PAK1: variants seen among roughly 807,000 people sequenced by gnomAD.
PAK1 encodes the protein p21 (RAC1) activated kinase 1, also known as serine/threonine-protein kinase PAK 1.
In PAK1, 29 loss-of-function variants were observed where a neutral mutation model predicts 67.4. That is an observed-to-expected ratio of 0.43 (90% confidence interval 0.32 to 0.59). PAK1 has a LOEUF of 0.59. PAK1 is among the 20% of genes least tolerant of loss of function. The probability of loss-of-function intolerance (pLI) is 0.07; values close to 1 mark genes in which losing one functional copy is unlikely to be tolerated. For synonymous variants in PAK1, 223 were observed against 237.4 expected, an observed-to-expected ratio of 0.94 and a Z score of 0.56; for missense variants, 337 against 670.7, an observed-to-expected ratio of 0.50 and a Z score of 5.50.
the PAK1 span, among the ~76,000 whole-genome samples, chr11:77,485,918 T>G: frequency 1.3e-5 from 2 of 152,216 alleles, no homozygotes; most frequent in African/African-American, 4.8e-5. Flanking sequence ...CCACCTCTCT[T>G]ACGGTAAAAG....
At chr11:77,458,818 A>G (rs1957193423) in intron 1 of PAK1, among the ~76,000 whole-genome samples, 1 of 152,222 alleles carries the variant, frequency 6.6e-6, no homozygotes. Flanking sequence ...GGGAGTGCAA[A>G]AGTAAATTAT....
intron 14 of PAK1, among the ~76,000 whole-genome samples, chr11:77,326,219 A>C (rs1939810798): frequency 6.6e-6 from 1 of 152,218 alleles, no homozygotes; most frequent in Non-Finnish European, 1.5e-5. Flanking sequence ...CAACCATATA[A>C]AATTATCAGG....
At chr11:77,342,698 T>C (rs1943794356) in intron 10 of PAK1, among the ~76,000 whole-genome samples, 2 of 152,186 alleles carry the variant, frequency 1.3e-5, no homozygotes, top group South Asian at 4.1e-4. Flanking sequence ...AACTCTTTTC[T>C]TCTTTAAGGA....
At chr11:77,506,235 AG>A in the PAK1 span, among the ~76,000 whole-genome samples, 1 of 152,234 alleles carries the variant, frequency 6.6e-6, no homozygotes, top group African/African-American at 2.4e-5. Context: ...CATAGACGGA[AG>A]GCTAGACACT....
intron 2 of PAK1, among the ~76,000 whole-genome samples, chr11:77,380,612 G>A (rs1234610249): frequency 6.6e-6 from 1 of 152,092 alleles, no homozygotes; most frequent in Non-Finnish European, 1.5e-5. Context: ...TTTTTGTGAA[G>A]CCCTCCTTGA....
chr11:77,451,422 C>T (rs1157488822), intron 1 of PAK1, among the ~76,000 whole-genome samples: 1 of 152,160 alleles, frequency 6.6e-6, no homozygotes, highest in Non-Finnish European at 1.5e-5. Context: ...TTACATCATA[C>T]CGCCTTTGTC....
chr11:77,525,182 CAA>C, the PAK1 span, among the ~76,000 whole-genome samples: 28 of 107,050 alleles, frequency 2.6e-4, no homozygotes, highest in African/African-American at 2.7e-4. Flanking sequence ...CCACCCCTAT[CAA>C]AAAAAAAAAA....
intron 14 of PAK1, among the ~76,000 whole-genome samples, chr11:77,326,847 G>A (rs947240192): frequency 6.6e-6 from 1 of 152,052 alleles, no homozygotes; most frequent in African/African-American, 2.4e-5. Context: ...AGCTACAGGA[G>A]GAAATTCGAA....
intron 14 of PAK1, chr11:77,325,288 T>C: frequency 6.2e-7 from 1 of 1,613,412 alleles, no homozygotes; most frequent in Non-Finnish European, 8.5e-7. Context: ...CATACACACT[T>C]GAGAGCCAAA....
upstream of PAK1, chr11:77,474,553 G>A (rs1436336839): frequency 6.6e-6 from 1 of 152,194 alleles, no homozygotes; most frequent in Non-Finnish European, 1.5e-5. Flanking sequence ...CGGCGCTGAG[G>A]GTCCTTTTCA....
intron 7 of PAK1, 134 bp from the exon 8 acceptor site, chr11:77,353,733 G>A: frequency 1.5e-6 from 1 of 672,556 alleles, no homozygotes; most frequent in South Asian, 1.8e-5. Flanking sequence ...TGCTAAACAG[G>A]CCCTCAGCTT....
the PAK1 span, among the ~76,000 whole-genome samples, chr11:77,484,438 A>G: frequency 6.6e-6 from 1 of 152,202 alleles, no homozygotes; most frequent in East Asian, 1.9e-4. Flanking sequence ...CCTGTATTCT[A>G]AGCTCGTTTT....
chr11:77,348,962 A>C lies in PAK1; in HGVS notation c.885+277T>G, dbSNP rs528549252. ...AACATGGTGAAACCTCACCTCTACT[A>C]AAAAATACAAAAATTAGCCAGGCAT... On this transcript the variant is annotated intron_variant, in intron 9 of 14. Coordinates refer to ENST00000356341, the MANE Select transcript of PAK1 (RefSeq NM_002576.5). 3.9e-5 allele frequency among the ~76,000 whole-genome samples: 6 copies of C among 151,940 alleles called. No individual in the cohort carries two copies. The East Asian group carries it at 1.2e-3, about 30-fold the overall frequency.
At chr11:77,523,043 G>A in the PAK1 span, among the ~76,000 whole-genome samples, 1 of 152,164 alleles carries the variant, frequency 6.6e-6, no homozygotes, top group African/African-American at 2.4e-5. Flanking sequence ...CATAAAGATG[G>A]GAACAATAGA....
rs982402367 is a variant in PAK1 at position 77,401,703 on chromosome 11, C to T, written c.-21-9162G>A. Among the ~76,000 whole-genome samples, 5 of 152,294 alleles carry T rather than the reference C, an allele frequency of 3.3e-5. No individual in the cohort carries two copies. The East Asian group carries it at 9.6e-4, about 29-fold the overall frequency. On this transcript the variant is annotated intron_variant, in intron 1 of 14. Coordinates refer to ENST00000356341, the MANE Select transcript of PAK1 (RefSeq NM_002576.5). Reference sequence around the variant, plus strand: ...TCTGCCAAGCAAACTCCTACTCATTCTTCAAGGCCCAACCTGACTCACTTC... The same window carrying T: ...TCTGCCAAGCAAACTCCTACTCATTTTTCAAGGCCCAACCTGACTCACTTC...
intron 1 of PAK1, among the ~76,000 whole-genome samples, chr11:77,456,694 T>C (rs576631561): frequency 6.6e-6 from 1 of 152,186 alleles, no homozygotes; most frequent in Non-Finnish European, 1.5e-5. Context: ...CTACCTCATG[T>C]AATCCTAATA....
chr11:77,467,682 T>C (rs1331483468), intron 1 of PAK1, among the ~76,000 whole-genome samples: 6 of 152,226 alleles, frequency 3.9e-5, no homozygotes, highest in Admixed American at 3.3e-4. Context: ...CACACAATCA[T>C]AGTCATAAAA....
At chr11:77,331,369 A>G (rs1397467899) in intron 14 of PAK1, among the ~76,000 whole-genome samples, 3 of 152,254 alleles carry the variant, frequency 2.0e-5, no homozygotes, top group Non-Finnish European at 2.9e-5. Flanking sequence ...ACAACAGCAA[A>G]GACTTGGAAC....
At chr11:77,435,698 C>T (rs1214549640) in intron 1 of PAK1, among the ~76,000 whole-genome samples, 6 of 120,738 alleles carry the variant, frequency 5.0e-5, no homozygotes, top group Admixed American at 2.0e-4. Flanking sequence ...TTAGTAGAGA[C>T]GGAGTTTCAC....
Sources: gnomAD v4.1 joint callset for allele counts (sites outside exome capture counted in the v4.1 genomes callset) on GRCh38, gnomAD v4.1.1 for gene constraint, MANE v1.5 for transcripts, NCBI Gene and HGNC (gene_info 2026-07-23, HGNC 2026-07-21) for gene names.